The following IL12RB2 variants were observed in gnomAD, a reference collection of about 807,000 sequenced individuals.
IL12RB2 encodes interleukin 12 receptor subunit beta 2.
IL12RB2 carries 82 observed loss-of-function variants against 89.4 expected under a neutral mutation model. The observed-to-expected ratio is 0.92, with a 90% CI of 0.77 to 1.10. The LOEUF (loss-of-function observed/expected upper bound fraction) is 1.10, where lower values mean the gene tolerates loss of function less well. Ranked by LOEUF, IL12RB2 falls within the 50% of genes least tolerant of loss-of-function variation. The pLI, the probability that IL12RB2 is intolerant of heterozygous loss-of-function variation, is 0.00. For missense variants in IL12RB2, 963 were observed against 1,031.9 expected, an observed-to-expected ratio of 0.93 and a Z score of 0.92; for synonymous variants, 368 against 370.1, an observed-to-expected ratio of 0.99 and a Z score of 0.07.
intron 16 of IL12RB2, among the ~76,000 whole-genome samples, chr1:67,395,278 A>G (rs879605109): frequency 6.6e-6 from 1 of 151,904 alleles, no homozygotes; most frequent in Non-Finnish European, 1.5e-5. Flanking sequence ...AAGAAAAAAA[A>G]AAAAAAGAAA....
At position 67,395,964 on chromosome 1, in the gene IL12RB2, C is replaced by G; in HGVS notation, c.2464C>G (p.Leu822Val). ...EAPLADSLEE[L>V]EPQHISLSVF... ...ACCTCTCGCTGACTCTCTGGAAGAA[C>G]TGGAGCCTCAGCACATCTCCCTTTC... The change falls in exon 17 of 17, where the codon CTG (leucine) becomes GTG (valine). Residue 822 changes from leucine to valine, a missense_variant. Leu to Val is a conservative substitution (Grantham distance 32). Coordinates refer to ENST00000674203, the MANE Select transcript of IL12RB2 (RefSeq NM_001374259.2). The G allele has an allele frequency of 1.2e-6, 2 of 1,609,086 alleles. No individual in the cohort carries two copies. Among genetic ancestry groups the G allele is most frequent in the East Asian group, 2.2e-5 (1 of 44,866 alleles).
chr1:67,387,100 TG>T (rs920245977), intron 15 of IL12RB2, among the ~76,000 whole-genome samples: 29 of 151,294 alleles, frequency 1.9e-4, no homozygotes, highest in Middle Eastern at 3.4e-3. Flanking sequence ...AGATAATTTT[TG>T]TATTTTTTAT....
intron 9 of IL12RB2, among the ~76,000 whole-genome samples, chr1:67,346,769 C>A (rs902021281): frequency 6.6e-6 from 1 of 152,108 alleles, no homozygotes; most frequent in Non-Finnish European, 1.5e-5. Flanking sequence ...CTCACAAAAA[C>A]TTACAAATTA....
intron 10 of IL12RB2, among the ~76,000 whole-genome samples, chr1:67,364,528 G>C (rs932648668): frequency 2.0e-5 from 3 of 152,214 alleles, no homozygotes; most frequent in Non-Finnish European, 4.4e-5. Context: ...CTTCAAAGCA[G>C]AGAAAGTTAT....
At chr1:67,373,644 A>G (rs1163357037) in intron 13 of IL12RB2, among the ~76,000 whole-genome samples, 3 of 152,218 alleles carry the variant, frequency 2.0e-5, no homozygotes, top group Non-Finnish European at 1.5e-5. Flanking sequence ...TCATTCATGT[A>G]CAGCTCCAAG....
At chr1:67,386,842 G>T in intron 15 of IL12RB2, among the ~76,000 whole-genome samples, 173 bp downstream of exon 15, 1 of 130,964 alleles carries the variant, frequency 7.6e-6, no homozygotes, top group African/African-American at 3.1e-5. Flanking sequence ...TATATCTTTT[G>T]ATCTAACAAT....
chr1:67,380,145 G>A (rs1298992307), intron 14 of IL12RB2, 22 bp downstream of exon 14: 1 of 1,613,562 alleles, frequency 6.2e-7, no homozygotes, highest in South Asian at 1.1e-5. Flanking sequence ...TGTTAAGGAT[G>A]ATGAGTCCAC....
At chr1:67,326,628 G>T in intron 4 of IL12RB2, 107 bp from the exon 5 acceptor site, 1 of 1,508,374 alleles carries the variant, frequency 6.6e-7, no homozygotes, top group Non-Finnish European at 8.9e-7. Flanking sequence ...AGTTTACCTG[G>T]GTTTACGGCA....
chr1:67,317,171 C>A (rs1319431016), intron 2 of IL12RB2, among the ~76,000 whole-genome samples: 2 of 152,116 alleles, frequency 1.3e-5, no homozygotes, highest in Non-Finnish European at 2.9e-5. Flanking sequence ...GGAGTATAAG[C>A]AGCTCAGTGT....
intron 13 of IL12RB2, among the ~76,000 whole-genome samples, chr1:67,377,752 A>G (rs1352939514): frequency 8.0e-5 from 11 of 138,168 alleles, no homozygotes; most frequent in Non-Finnish European, 1.4e-4. Flanking sequence ...TGAGGTCCTC[A>G]GCACAGGTCA....
intron 10 of IL12RB2, among the ~76,000 whole-genome samples, chr1:67,359,731 A>C (rs1661776742): frequency 6.6e-6 from 1 of 152,132 alleles, no homozygotes; most frequent in Middle Eastern, 3.4e-3. Flanking sequence ...AAACAAAAAA[A>C]CACACAGTGG....
At chr1:67,394,934 C>T (rs530740791) in intron 16 of IL12RB2, among the ~76,000 whole-genome samples, 17 of 152,260 alleles carry the variant, frequency 1.1e-4, no homozygotes, top group African/African-American at 3.9e-4. Context: ...CTCCAGTGCC[C>T]TCTGTCCTCA....
At chr1:67,337,058 C>A (rs1283737343) in intron 8 of IL12RB2, among the ~76,000 whole-genome samples, 1 of 152,184 alleles carries the variant, frequency 6.6e-6, no homozygotes, top group Non-Finnish European at 1.5e-5. Flanking sequence ...ACCCCGCAGA[C>A]CTGGCTCTGA....
chr1:67,366,249 C>T (rs184335634), intron 10 of IL12RB2, among the ~76,000 whole-genome samples: 18 of 152,042 alleles, frequency 1.2e-4, no homozygotes, highest in African/African-American at 4.8e-5. Flanking sequence ...GTCAGGAGTT[C>T]GAGACCAGCC....
At chr1:67,360,127 C>T (rs781284203) in intron 10 of IL12RB2, among the ~76,000 whole-genome samples, 15 of 152,044 alleles carry the variant, frequency 9.9e-5, no homozygotes, top group Non-Finnish European at 1.3e-4. Context: ...AGGGGCTGGG[C>T]GCGGTGGCTC....
intron 11 of IL12RB2, among the ~76,000 whole-genome samples, chr1:67,369,277 T>A (rs1394399407): frequency 1.3e-5 from 2 of 152,198 alleles, no homozygotes; most frequent in East Asian, 3.8e-4. Context: ...AGAAAGAGAA[T>A]TCTAGATGGG....
At chr1:67,328,470 GAC>G (rs1239183179) in intron 6 of IL12RB2, 86 bp downstream of exon 6, 2 of 1,596,090 alleles carry the variant, frequency 1.3e-6, no homozygotes, top group African/African-American at 1.4e-5. Flanking sequence ...TTTCAAGAAA[GAC>G]AGAGATTGAT....
Position 67,397,243 on chromosome 1 carries a change from A to G in IL12RB2, c.*1154A>G, listed in dbSNP as rs1366008802. 1.3e-5 allele frequency among the ~76,000 whole-genome samples: 2 copies of G among 152,118 alleles called. No homozygotes were observed. Among genetic ancestry groups the G allele is most frequent in the Non-Finnish European group, 2.9e-5 (2 of 68,026 alleles). ...GGGCAGCTGGATGGTGAAGACCTAT[A>G]TTGTAAACTCACCATAGTACCATAG... On this transcript the variant is annotated 3_prime_UTR_variant, in exon 17 of 17. Transcript: ENST00000674203.
chr1:67,343,334 A>C (rs1345003159), intron 9 of IL12RB2, among the ~76,000 whole-genome samples: 1 of 152,178 alleles, frequency 6.6e-6, no homozygotes, highest in Non-Finnish European at 1.5e-5. Flanking sequence ...TGCCCACCTC[A>C]ACCTCCCAAA....
Sources: gnomAD v4.1 joint callset for allele counts (sites outside exome capture counted in the v4.1 genomes callset) on GRCh38, gnomAD v4.1.1 for gene constraint, MANE v1.5 for transcripts, NCBI Gene and HGNC (gene_info 2026-07-23, HGNC 2026-07-21) for gene names.